PKHD1L1: variants seen among roughly 807,000 people sequenced by gnomAD.
The protein encoded by PKHD1L1 is fibrocystin-L.
Under a neutral mutation model 462.9 loss-of-function variants are expected in PKHD1L1, and 434 were observed. The observed-to-expected ratio is 0.94, with a 90% CI of 0.87 to 1.02. The LOEUF is 1.02. PKHD1L1 is among the 50% of genes least tolerant of loss of function. The probability of loss-of-function intolerance (pLI) is 0.00; values close to 1 mark genes in which losing one functional copy is unlikely to be tolerated. For missense variants in PKHD1L1, 5,202 were observed against 5,096.1 expected (o/e 1.02, Z -0.63); for synonymous variants, 1,781 against 1,750.0 (o/e 1.02, Z -0.44).
chr8:109,491,979 G>T lies in PKHD1L1; in HGVS notation c.10221G>T (p.Trp3407Cys). Residue 3407 changes from tryptophan (W) to cysteine (C), a missense_variant, in exon 62 of 78, where the codon TGG becomes TGT. By Grantham distance (215) the Trp-to-Cys change is radical. Transcript: ENST00000378402. ...GAAAAGATTTAAGTTCAACTCTCTGGCATGCAGCAATTGAGGTAGTGAAAA... is the reference window on the plus strand; with the variant it reads ...GAAAAGATTTAAGTTCAACTCTCTGTCATGCAGCAATTGAGGTAGTGAAAA... ...QNRKDLSSTLWHAAIEINRGT... is the reference protein window; with the variant it reads ...QNRKDLSSTLCHAAIEINRGT... The T allele has an allele frequency of 6.4e-7, 1 of 1,552,952 alleles. No individual in the cohort carries two copies. The highest frequency in any genetic ancestry group is 1.9e-5 in the Admixed American group (1 of 53,236).
At chr8:109,366,252 T>A (rs1427960084) in intron 2 of PKHD1L1, among the ~76,000 whole-genome samples, 1 of 152,242 alleles carries the variant, frequency 6.6e-6, no homozygotes, top group Non-Finnish European at 1.5e-5. Context: ...TCTACTTTTC[T>A]CATCCGTCCC....
At chr8:109,432,008 T>A (rs1462624938) in intron 27 of PKHD1L1, among the ~76,000 whole-genome samples, 2 of 152,162 alleles carry the variant, frequency 1.3e-5, no homozygotes, top group African/African-American at 4.8e-5. Context: ...TTCCGATGGG[T>A]GAAAGTTAAC....
At position 109,535,038 on chromosome 8, in the gene PKHD1L1, C is replaced by T. The variant is rs931027941; in HGVS notation, c.*4948C>T. On this transcript the variant is annotated 3_prime_UTR_variant, in exon 78 of 78. Coordinates refer to ENST00000378402, the MANE Select transcript of PKHD1L1 (RefSeq NM_177531.6). ...GATTGGGTAGCATGATGAAACTTTT[C>T]CTATCCTGCTTTTTGAGATTAAGAA... Among the ~76,000 whole-genome samples the T allele has an allele frequency of 3.9e-5, 6 of 152,040 alleles. No homozygotes were observed. The East Asian group carries it at 5.8e-4, about 15-fold the overall frequency.
At chr8:109,419,911 A>AT (rs35369085) in intron 22 of PKHD1L1, among the ~76,000 whole-genome samples, 72,569 of 149,076 alleles carry the variant, frequency 0.49, 17,796 homozygotes, top group South Asian at 0.62. Flanking sequence ...GAGTTAACTG[A>AT]TTTTTTTTTT....
At chr8:109,397,567 G>T (rs1004345723) in intron 11 of PKHD1L1, among the ~76,000 whole-genome samples, 3 of 152,096 alleles carry the variant, frequency 2.0e-5, no homozygotes, top group African/African-American at 4.8e-5. Flanking sequence ...GCACATGCCC[G>T]TAGTTCCAGC....
At chr8:109,449,598 T>C (rs1816369435) in intron 40 of PKHD1L1, 111 bp downstream of exon 40, 2 of 950,252 alleles carry the variant, frequency 2.1e-6, no homozygotes, top group African/African-American at 3.4e-5. Context: ...TAAATCACTT[T>C]ATGACTGTCC....
chr8:109,452,739 G>T lies in PKHD1L1; in HGVS notation c.6529G>T (p.Val2177Phe). 6.5e-7 allele frequency: 1 copy of T among 1,538,430 alleles called. No homozygotes were observed. Among genetic ancestry groups the T allele is most frequent in the South Asian group, 1.3e-5 (1 of 77,810 alleles). The stretch of plus-strand genomic sequence containing the variant: ...ACAGGATAATGCTGACTTTCTTTAT[G>T]TTGATGCCTGGTCCTCCAATTTCTC... ...AKLDNADFLY[V>F]DAWSSNFSWG... Residue 2177 changes from valine to phenylalanine, a missense_variant, in exon 43 of 78, where the codon GTT becomes TTT. Physicochemically the swap from Val to Phe is conservative, Grantham distance 50. Coordinates refer to ENST00000378402, the MANE Select transcript of PKHD1L1 (RefSeq NM_177531.6).
In PKHD1L1 at chr8:109,408,133, A is replaced by G. The variant is rs549917063; in HGVS notation, c.1898A>G (p.Asn633Ser). 6.2e-7 allele frequency: 1 copy of G among 1,613,422 alleles called. No homozygotes were observed. Among genetic ancestry groups the G allele is most frequent in the South Asian group, 1.1e-5 (1 of 91,050 alleles). Residue 633 changes from asparagine (N) to serine (S), a missense_variant, in exon 18 of 78, where the codon AAC becomes AGC. This residue lies in a region of PKHD1L1 where 4,497 missense variants were observed against 4,336.8 expected (regional missense o/e 1.04). Coordinates refer to ENST00000378402, the MANE Select transcript of PKHD1L1 (RefSeq NM_177531.6). ...DITEQTKGKPNLETFTLNWDG... is the reference protein window; with the variant it reads ...DITEQTKGKPSLETFTLNWDG... ...ACAGAACAAACCAAAGGAAAACCCA[A>G]CTTGGAGACATTCACACTGAATTGG...
rs773536428 is a variant in PKHD1L1, at chr8:109,522,222, G to T, written c.12068G>T (p.Gly4023Val). Reference sequence around the variant, plus strand: ...TTATCTGAACTCCAGGAAATTGCTGGTTCTCTTGGACAAGCTGTAATTTTA... The same window carrying T: ...TTATCTGAACTCCAGGAAATTGCTGTTTCTCTTGGACAAGCTGTAATTTTA... ...MQLSELQEIA[G>V]SLGQAVILGN... Residue 4023 changes from glycine to valine, a missense_variant, in exon 74 of 78, where the codon GGT (glycine) becomes GTT (valine). This residue lies in a region of PKHD1L1 where 698 missense variants were observed against 736.3 expected (regional missense o/e 0.95). Coordinates refer to ENST00000378402, the MANE Select transcript of PKHD1L1 (RefSeq NM_177531.6). 5 of 1,604,802 alleles carry T rather than the reference G, an allele frequency of 3.1e-6. No individual in the cohort carries two copies. The Admixed American group carries it at 5.0e-5, about 16-fold the overall frequency.
rs1816458501 is a variant in PKHD1L1 at position 109,450,995 on chromosome 8, T to C, written c.6196T>C (p.Cys2066Arg). 6.2e-7 allele frequency: 1 copy of C among 1,611,452 alleles called. No individual in the cohort carries two copies. The highest frequency in any genetic ancestry group is 1.3e-5 in the African/African-American group (1 of 74,924). ...SNNGTGAEQACEVSVVNGKDL... is the reference protein window; with the variant it reads ...SNNGTGAEQAREVSVVNGKDL... ...CATAGGCACGGGAGCTGAGCAAGCCTGTGAAGTGAGTGTGGTTAATGGGAA... is the reference window on the plus strand; with the variant it reads ...CATAGGCACGGGAGCTGAGCAAGCCCGTGAAGTGAGTGTGGTTAATGGGAA... The change falls in exon 41 of 78, where the codon TGT (cysteine) becomes CGT (arginine). Residue 2066 changes from cysteine (C) to arginine (R), a missense_variant. Physicochemically the swap from Cys to Arg is radical, Grantham distance 180 (BLOSUM62 -3). Around this residue, in one of 3 missense-constraint regions of PKHD1L1, gnomAD observed 4,497 missense variants for 4,336.8 expected, o/e 1.04. Transcript: ENST00000378402.
At chr8:109,516,324 G>A (rs1820268133) in intron 72 of PKHD1L1, among the ~76,000 whole-genome samples, 1 of 152,024 alleles carries the variant, frequency 6.6e-6, no homozygotes, top group African/African-American at 2.4e-5. Context: ...TGCCATGATG[G>A]TCATGTTCTG....
chr8:109,444,679 C>G lies in PKHD1L1; in HGVS notation c.4810C>G (p.Pro1604Ala). Reference sequence around the variant, plus strand: ...CTTACAGGTTACAATTGGTAGCTACCCCTGTGTCGTAGAAGAAAGTAGTGA... The same window carrying G: ...CTTACAGGTTACAATTGGTAGCTACGCCTGTGTCGTAGAAGAAAGTAGTGA... ...WANKVTIGSY[P>A]CVVEESSEDS... Residue 1604 changes from proline to alanine, a missense_variant, in exon 38 of 78, where the codon CCC becomes GCC. This residue lies in a region of PKHD1L1 where 4,497 missense variants were observed against 4,336.8 expected (regional missense o/e 1.04). Coordinates refer to ENST00000378402, the MANE Select transcript of PKHD1L1 (RefSeq NM_177531.6). 2 of 1,612,590 alleles carry G rather than the reference C, an allele frequency of 1.2e-6. No homozygotes were observed. The highest frequency in any genetic ancestry group is 1.7e-6 in the Non-Finnish European group (2 of 1,179,082).
At chr8:109,406,537 C>T (rs999661594) in intron 17 of PKHD1L1, 59 bp downstream of exon 17, 35 of 1,445,684 alleles carry the variant, frequency 2.4e-5, no homozygotes, top group Middle Eastern at 4.3e-4. Flanking sequence ...CTGTGCCACT[C>T]TAAAAGTTCC....
intron 22 of PKHD1L1, among the ~76,000 whole-genome samples, chr8:109,419,669 ATAAT>A (rs1466957583): frequency 6.6e-6 from 1 of 152,194 alleles, no homozygotes; most frequent in Non-Finnish European, 1.5e-5. Context: ...CTTAAGAGTG[ATAAT>A]TAATAATACT....
intron 73 of PKHD1L1, among the ~76,000 whole-genome samples, chr8:109,521,082 G>A (rs934054262): frequency 2.6e-5 from 4 of 152,166 alleles, no homozygotes; most frequent in Admixed American, 6.5e-5. Context: ...CTGAAAGACT[G>A]AGCCTTTTTC....
intron 76 of PKHD1L1, among the ~76,000 whole-genome samples, chr8:109,525,909 C>A (rs1240950966): frequency 1.3e-5 from 2 of 152,088 alleles, no homozygotes; most frequent in Admixed American, 6.6e-5. Context: ...TAATTATATT[C>A]TTTTCCTAAA....
chr8:109,486,296 T>G (rs572782262), intron 58 of PKHD1L1, among the ~76,000 whole-genome samples: 1 of 152,094 alleles, frequency 6.6e-6, no homozygotes, highest in East Asian at 1.9e-4. Context: ...TTTCCTCATC[T>G]ATTAAAATTA....
rs1783174 is a variant in PKHD1L1 at position 109,526,957 on chromosome 8, G to A, written c.12658G>A (p.Val4220Ile). The part of the protein sequence containing the change: ...QIMTVVISCL[V>I]GRMWLLEIFM... ...AATGACTGTAGTAATTAGCTGTCTG[G>A]TTGGAAGAATGTGGCTCTTGGAAAT... Residue 4220 changes from valine (V) to isoleucine (I), a missense_variant, in exon 77 of 78, where the codon GTT becomes ATT. Around this residue, in one of 3 missense-constraint regions of PKHD1L1, gnomAD observed 698 missense variants for 736.3 expected, o/e 0.95. Transcript: ENST00000378402. The A allele has an allele frequency of 0.19, 303,200 of 1,613,048 alleles. 32,811 individuals carry two copies. Among genetic ancestry groups the A allele is most frequent in the Admixed American group, 0.41 (24,475 of 59,886 alleles).
rs754071062 is a variant in PKHD1L1, at chr8:109,515,313, C to T, written c.11689+8C>T. 6.5e-7 allele frequency: 1 copy of T among 1,542,142 alleles called. No individual in the cohort carries two copies. The highest frequency in any genetic ancestry group is 1.4e-5 in the African/African-American group (1 of 71,912). ...ATAACCATCTGTACAAAGGTATTGT[C>T]TCAGAAAAAATACAGTACACATGGA... is the stretch of plus-strand genomic sequence containing the variant. On this transcript the variant is annotated splice_region_variant and intron_variant, in intron 72 of 77. Coordinates refer to ENST00000378402, the MANE Select transcript of PKHD1L1 (RefSeq NM_177531.6).
Sources: allele counts gnomAD v4.1 joint callset (sites outside exome capture counted in the v4.1 genomes callset), GRCh38; gene constraint gnomAD v4.1.1; regional missense constraint gnomAD v4.1.1; transcripts MANE v1.5; gene names NCBI Gene and HGNC (gene_info 2026-07-23, HGNC 2026-07-21).